BLTP1: variants seen among roughly 807,000 people sequenced by gnomAD.
The protein encoded by BLTP1 is bridge-like lipid transfer protein family member 1.
chr4:122,328,438 TTTACA>T, the BLTP1 span: 1 of 1,292,542 alleles, frequency 7.7e-7, no homozygotes, highest in Non-Finnish European at 1.1e-6. Context: ...TAACTCAGCT[TTTACA>T]AAAAACATTT....
the BLTP1 span, among the ~76,000 whole-genome samples, chr4:122,284,064 G>C: frequency 1.3e-5 from 2 of 152,196 alleles, no homozygotes; most frequent in African/African-American, 4.8e-5. Context: ...AGATATCTAG[G>C]TATCTTGTGG....
the BLTP1 span, among the ~76,000 whole-genome samples, chr4:122,293,545 C>A: frequency 6.6e-6 from 1 of 151,842 alleles, no homozygotes; most frequent in African/African-American, 2.4e-5. Context: ...CTTGTGAGTC[C>A]TACCACCAGG....
the BLTP1 span, chr4:122,247,578 A>C: frequency 9.0e-7 from 1 of 1,105,490 alleles, no homozygotes; most frequent in South Asian, 1.9e-5. Context: ...ATTAAGTGGT[A>C]TGGCCCCAAA....
chr4:122,294,547 A>C, the BLTP1 span, among the ~76,000 whole-genome samples: 1 of 152,206 alleles, frequency 6.6e-6, no homozygotes, highest in Admixed American at 6.5e-5. Flanking sequence ...CCACTGTAAA[A>C]AGAAAAATAA....
chr4:122,345,626 G>C, the BLTP1 span, among the ~76,000 whole-genome samples: 1 of 151,526 alleles, frequency 6.6e-6, no homozygotes, highest in African/African-American at 2.4e-5. Context: ...CCATGATAAA[G>C]AATTGGGTTC....
At chr4:122,286,771 C>T in the BLTP1 span, 2 of 1,610,534 alleles carry the variant, frequency 1.2e-6, no homozygotes, top group Non-Finnish European at 1.7e-6. Flanking sequence ...AAATTATCTG[C>T]GTTGTGTGGC....
the BLTP1 span, among the ~76,000 whole-genome samples, chr4:122,233,513 A>G: frequency 1.3e-5 from 2 of 152,190 alleles, no homozygotes; most frequent in African/African-American, 4.8e-5. Flanking sequence ...TCTATTATGT[A>G]TATAAGTTCT....
At chr4:122,247,539 C>T in the BLTP1 span, 1 of 1,040,184 alleles carries the variant, frequency 9.6e-7, no homozygotes, top group Non-Finnish European at 1.3e-6. Context: ...ACATTCTGTA[C>T]AGAATAGAAA....
chr4:122,189,719 C>T, the BLTP1 span: 1 of 892,472 alleles, frequency 1.1e-6, no homozygotes. Flanking sequence ...TAAATTTTTT[C>T]TTTTTAAAAC....
At chr4:122,312,640 T>G in the BLTP1 span, 1 of 155,336 alleles carries the variant, frequency 6.4e-6, no homozygotes, top group African/African-American at 2.4e-5. Flanking sequence ...AAGGTATAAT[T>G]TAGATGTTAA....
chr4:122,157,412 G>A, the BLTP1 span, among the ~76,000 whole-genome samples: 3 of 152,032 alleles, frequency 2.0e-5, no homozygotes, highest in African/African-American at 4.8e-5. Context: ...CACCTGACAG[G>A]GGTGGGGTTG....
chr4:122,163,616 A>G, the BLTP1 span, among the ~76,000 whole-genome samples: 1 of 152,226 alleles, frequency 6.6e-6, no homozygotes, highest in Non-Finnish European at 1.5e-5. Flanking sequence ...ATGTGCCAGA[A>G]GTTCTAAATG....
chr4:122,311,341 T>C, the BLTP1 span, among the ~76,000 whole-genome samples: 1 of 152,190 alleles, frequency 6.6e-6, no homozygotes, highest in African/African-American at 2.4e-5. Context: ...GACATGCTTC[T>C]GTAACATGCT....
At chr4:122,165,341 C>T in the BLTP1 span, among the ~76,000 whole-genome samples, 3 of 151,188 alleles carry the variant, frequency 2.0e-5, no homozygotes, top group Non-Finnish European at 3.0e-5. Context: ...TTTGTCCTTG[C>T]GATAGTTTGC....
chr4:122,268,488 C>T, the BLTP1 span, among the ~76,000 whole-genome samples: 3 of 152,016 alleles, frequency 2.0e-5, no homozygotes, highest in African/African-American at 7.2e-5. Flanking sequence ...TCTGGGATAT[C>T]TTCATCCTTT....
At chr4:122,329,141 A>G in the BLTP1 span, among the ~76,000 whole-genome samples, 4 of 151,788 alleles carry the variant, frequency 2.6e-5, no homozygotes, top group Admixed American at 2.0e-4. Context: ...TACATTCTCA[A>G]ATAACTTACT....
the BLTP1 span, among the ~76,000 whole-genome samples, chr4:122,303,353 T>C: frequency 1.3e-5 from 2 of 152,298 alleles, no homozygotes; most frequent in Admixed American, 6.5e-5. Context: ...ATATTACTGC[T>C]CACTGACAAT....
chr4:122,245,146 A>G, the BLTP1 span: 1 of 1,606,320 alleles, frequency 6.2e-7, no homozygotes, highest in African/African-American at 1.3e-5. Flanking sequence ...AAAATGTAAG[A>G]ACTTTTTAAT....
At chr4:122,239,844 A>T in the BLTP1 span, 1 of 1,614,142 alleles carries the variant, frequency 6.2e-7, no homozygotes, top group Non-Finnish European at 8.5e-7. Flanking sequence ...CAGCATGTCA[A>T]TGGCTGATAG....
Sources: allele counts gnomAD v4.1 joint callset (sites outside exome capture counted in the v4.1 genomes callset), GRCh38; gene constraint gnomAD v4.1.1; transcripts MANE v1.5; gene names NCBI Gene and HGNC (gene_info 2026-07-23, HGNC 2026-07-21).